NRXN3: variants seen among roughly 807,000 people sequenced by gnomAD.
The protein encoded by NRXN3 is neurexin 3.
In NRXN3, 32 loss-of-function variants were observed where a neutral mutation model predicts 137.6. The ratio of observed to expected loss-of-function variants is 0.23; its 90% CI spans 0.18 to 0.31. The LOEUF (loss-of-function observed/expected upper bound fraction) is 0.31, where lower values mean the gene tolerates loss of function less well. NRXN3 is among the 10% of genes least tolerant of loss of function. The pLI is 1.00. For missense variants in NRXN3, 1,574 were observed against 2,062.5 expected (o/e 0.76, Z 4.59); for synonymous variants, 798 against 784.5 (o/e 1.02, Z -0.29).
intron 16 of NRXN3, among the ~76,000 whole-genome samples, chr14:79,607,640 C>T (rs553965868): frequency 1.3e-5 from 2 of 151,366 alleles, no homozygotes; most frequent in East Asian, 1.9e-4. Context: ...AGAAAATAGC[C>T]GTTTGAGCCA....
chr14:78,852,026 A>G (rs1032450212), intron 10 of NRXN3, among the ~76,000 whole-genome samples: 6 of 152,172 alleles, frequency 3.9e-5, no homozygotes, highest in East Asian at 1.9e-4. Context: ...TATTTTTTCA[A>G]CTGGGTGTAA....
At chr14:79,079,945 G>A (rs956916710) in intron 15 of NRXN3, among the ~76,000 whole-genome samples, 6 of 152,144 alleles carry the variant, frequency 3.9e-5, no homozygotes, top group Non-Finnish European at 7.4e-5. Context: ...CTGAGATCAT[G>A]CCATTGCACT....
At chr14:79,812,440 G>A (rs755161921) in intron 20 of NRXN3, among the ~76,000 whole-genome samples, 1 of 151,950 alleles carries the variant, frequency 6.6e-6, no homozygotes, top group Non-Finnish European at 1.5e-5. Flanking sequence ...AAATGCCCAC[G>A]ATATTATCAG....
intron 20 of NRXN3, chr14:79,854,343 T>G (rs1372395319): frequency 5.9e-6 from 1 of 170,406 alleles, no homozygotes; most frequent in Non-Finnish European, 1.2e-5. Context: ...TTCTTTCCAT[T>G]CTTATTATAT....
intron 10 of NRXN3, among the ~76,000 whole-genome samples, chr14:78,881,980 G>A (rs1252232356): frequency 6.6e-6 from 1 of 151,646 alleles, no homozygotes; most frequent in East Asian, 1.9e-4. Flanking sequence ...TGCAACTTGA[G>A]TCCCAGCTGC....
chr14:78,574,502 C>T (rs1264546709), intron 4 of NRXN3, among the ~76,000 whole-genome samples: 1 of 152,246 alleles, frequency 6.6e-6, no homozygotes, highest in Non-Finnish European at 1.5e-5. Context: ...TCAGCATGCC[C>T]TGGATGTTAG....
At chr14:79,083,423 A>T (rs1385321544) in intron 15 of NRXN3, among the ~76,000 whole-genome samples, 1 of 152,190 alleles carries the variant, frequency 6.6e-6, no homozygotes, top group South Asian at 2.1e-4. Context: ...GAGCCCTAGA[A>T]ATGAAGCAAG....
chr14:79,279,373 A>G (rs1414992466), intron 15 of NRXN3: 4 of 984,686 alleles, frequency 4.1e-6, no homozygotes, highest in East Asian at 1.1e-4. Context: ...TGGCTCCCCA[A>G]CTCCTCGCTT....
chr14:79,850,553 TTTTACA>T (rs1473910728), intron 20 of NRXN3, among the ~76,000 whole-genome samples: 3 of 152,190 alleles, frequency 2.0e-5, no homozygotes, highest in Non-Finnish European at 4.4e-5. Context: ...AAAATTTTGA[TTTTACA>T]TTTAGACAGA....
chr14:79,342,440 C>T (rs1366496000), intron 15 of NRXN3, among the ~76,000 whole-genome samples: 1 of 151,976 alleles, frequency 6.6e-6, no homozygotes, highest in Non-Finnish European at 1.5e-5. Context: ...TTTAGAGACA[C>T]TGTGATTCTC....
intron 8 of NRXN3, among the ~76,000 whole-genome samples, chr14:78,787,406 A>G (rs912185603): frequency 2.6e-5 from 4 of 152,188 alleles, no homozygotes; most frequent in Non-Finnish European, 4.4e-5. Context: ...AGATAAGACA[A>G]CAAAATCAAG....
At chr14:78,310,764 A>T (rs907247162) in intron 4 of NRXN3, among the ~76,000 whole-genome samples, 1 of 152,102 alleles carries the variant, frequency 6.6e-6, no homozygotes, top group Non-Finnish European at 1.5e-5. Flanking sequence ...TAGAGTACTG[A>T]TGTTAGTGTT....
At chr14:78,345,298 T>A (rs1488439757) in intron 4 of NRXN3, among the ~76,000 whole-genome samples, 1 of 152,192 alleles carries the variant, frequency 6.6e-6, no homozygotes, top group Non-Finnish European at 1.5e-5. Flanking sequence ...TTTCTCACAG[T>A]GTCAGAGATA....
chr14:79,222,283 C>A (rs1405172131), intron 15 of NRXN3, among the ~76,000 whole-genome samples: 1 of 152,056 alleles, frequency 6.6e-6, no homozygotes, highest in African/African-American at 2.4e-5. Context: ...TTTTCTAATT[C>A]TGTGAAGAAA....
rs147736157 is a variant in NRXN3, at chr14:78,709,634, A to G, written c.1639A>G (p.Ile547Val). 38 of 1,611,646 alleles carry G rather than the reference A, an allele frequency of 2.4e-5. No individual in the cohort carries two copies. Among genetic ancestry groups the G allele is most frequent in the Non-Finnish European group, 3.2e-5 (38 of 1,179,142 alleles). Residue 547 changes from isoleucine (I) to valine (V), a missense_variant, in exon 7 of 21, where the codon ATT becomes GTT. Physicochemically the swap from Ile to Val is conservative, Grantham distance 29 (BLOSUM62 3). Transcript: ENST00000335750. Reference protein sequence around the residue: ...ANDGEWYHVDIQRDGRSGTIS... With the variant: ...ANDGEWYHVDVQRDGRSGTIS... Reference sequence around the variant, plus strand: ...TGATGGGGAATGGTACCATGTGGACATTCAGCGAGATGGCAGATCAGGTAG... The same window carrying G: ...TGATGGGGAATGGTACCATGTGGACGTTCAGCGAGATGGCAGATCAGGTAG...
chr14:78,504,971 G>C (rs536451375), intron 4 of NRXN3, among the ~76,000 whole-genome samples: 28 of 152,220 alleles, frequency 1.8e-4, no homozygotes, highest in African/African-American at 6.0e-4. Context: ...ACACAATGAG[G>C]CAAATCTCTG....
intron 4 of NRXN3, among the ~76,000 whole-genome samples, chr14:78,603,574 A>G (rs1208436346): frequency 6.6e-6 from 1 of 152,234 alleles, no homozygotes; most frequent in Non-Finnish European, 1.5e-5. Flanking sequence ...GTTAAACTTA[A>G]TTATATTTCT....
Position 78,538,999 on chromosome 14 carries a change from T to C in NRXN3, c.758-106121T>C, listed in dbSNP as rs140984609. On this transcript the variant is annotated intron_variant, in intron 4 of 20. Coordinates refer to ENST00000335750, the MANE Select transcript of NRXN3 (RefSeq NM_001330195.2). Reference sequence around the variant, plus strand: ...ATGGTGGATAAGCTTTTTGATGTGCTGCTGGATTCAGTTCGAAAGTATTTT... The same window carrying C: ...ATGGTGGATAAGCTTTTTGATGTGCCGCTGGATTCAGTTCGAAAGTATTTT... Among the ~76,000 whole-genome samples the C allele has an allele frequency of 5.4e-3, 822 of 152,364 alleles. 11 individuals are homozygous for C. Among genetic ancestry groups the C allele is most frequent in the African/African-American group, 0.019 (780 of 41,572 alleles).
At chr14:78,617,664 T>C (rs1479615300) in intron 4 of NRXN3, among the ~76,000 whole-genome samples, 1 of 152,052 alleles carries the variant, frequency 6.6e-6, no homozygotes, top group Non-Finnish European at 1.5e-5. Flanking sequence ...GGAGTCTGCT[T>C]TGTGACCTGA....
Sources: gnomAD v4.1 joint callset for allele counts (sites outside exome capture counted in the v4.1 genomes callset) on GRCh38, gnomAD v4.1.1 for gene constraint, MANE v1.5 for transcripts, NCBI Gene and HGNC (gene_info 2026-07-23, HGNC 2026-07-21) for gene names.